Variants in SYT1 observed in about 807,000 individuals in gnomAD.
SYT1 encodes the protein synaptotagmin 1.
SYT1 carries 8 observed loss-of-function variants against 44.8 expected under a neutral mutation model. The ratio of observed to expected loss-of-function variants is 0.18; its 90% CI spans 0.10 to 0.32. SYT1 has a LOEUF of 0.32. Ranked by LOEUF, SYT1 falls within the 10% of genes least tolerant of loss-of-function variation. The pLI is 1.00. For missense variants in SYT1, 286 were observed against 509.3 expected (o/e 0.56, Z 4.22); for synonymous variants, 154 against 188.8 (o/e 0.82, Z 1.51).
At chr12:79,163,194 G>T (rs1289599477) in intron 3 of SYT1, among the ~76,000 whole-genome samples, 2 of 152,030 alleles carry the variant, frequency 1.3e-5, no homozygotes, top group African/African-American at 4.8e-5. Context: ...CATCTATTTG[G>T]CTGCTTCTGC....
intron 4 of SYT1, among the ~76,000 whole-genome samples, chr12:79,270,967 G>C (rs966881312): frequency 1.3e-5 from 2 of 152,200 alleles, no homozygotes; most frequent in African/African-American, 4.8e-5. Context: ...CCTCCCCTTA[G>C]CCATAGGGCA....
At chr12:79,324,527 T>C (rs527974071) in intron 8 of SYT1, among the ~76,000 whole-genome samples, 9 of 152,216 alleles carry the variant, frequency 5.9e-5, no homozygotes, top group Non-Finnish European at 1.3e-4. Context: ...ATTCTTTTTC[T>C]TCTTCCAAAT....
intron 8 of SYT1, among the ~76,000 whole-genome samples, chr12:79,345,552 C>T (rs921204564): frequency 6.6e-6 from 1 of 152,208 alleles, no homozygotes; most frequent in African/African-American, 2.4e-5. Flanking sequence ...AAGATACACT[C>T]TCTTTCACCT....
At chr12:79,371,390 T>A (rs1483386305) in intron 9 of SYT1, among the ~76,000 whole-genome samples, 1 of 152,194 alleles carries the variant, frequency 6.6e-6, no homozygotes, top group African/African-American at 2.4e-5. Context: ...ATCAGTTGAC[T>A]CACAATGAAT....
At chr12:78,989,966 A>G (rs1869908217) in intron 2 of SYT1, among the ~76,000 whole-genome samples, 1 of 152,150 alleles carries the variant, frequency 6.6e-6, no homozygotes, top group Non-Finnish European at 1.5e-5. Flanking sequence ...GAAACAGATT[A>G]TATCAGCCTG....
chr12:79,276,385 A>G (rs1256682219), intron 4 of SYT1, among the ~76,000 whole-genome samples: 1 of 151,862 alleles, frequency 6.6e-6, no homozygotes, highest in Admixed American at 6.6e-5. Context: ...CAAAACAAAA[A>G]AAACAGAATT....
At chr12:79,290,418 C>T (rs1025961823) in intron 5 of SYT1, among the ~76,000 whole-genome samples, 1 of 152,168 alleles carries the variant, frequency 6.6e-6, no homozygotes, top group Non-Finnish European at 1.5e-5. Context: ...GAATCTCCTT[C>T]CTGAGAATGC....
intron 4 of SYT1, among the ~76,000 whole-genome samples, chr12:79,242,432 C>G (rs928108507): frequency 1.3e-5 from 2 of 152,146 alleles, no homozygotes; most frequent in Non-Finnish European, 2.9e-5. Context: ...CAGTGAGAGG[C>G]CCCTCCCCTG....
intron 9 of SYT1, among the ~76,000 whole-genome samples, chr12:79,418,980 A>G (rs910770995): frequency 3.9e-5 from 6 of 152,150 alleles, no homozygotes; most frequent in Admixed American, 3.3e-4. Context: ...AACTCAGGTG[A>G]TTATACTGTG....
At chr12:79,117,284 C>T in intron 3 of SYT1, among the ~76,000 whole-genome samples, 1 of 152,066 alleles carries the variant, frequency 6.6e-6, no homozygotes, top group South Asian at 2.1e-4. Context: ...CAGGTTTTCA[C>T]TTTGCATTTC....
intron 1 of SYT1, chr12:78,868,850 A>G (rs1284878536): frequency 6.6e-6 from 1 of 151,652 alleles, no homozygotes; most frequent in African/African-American, 2.4e-5. Context: ...GGCAGAAATG[A>G]TTTTTATATG....
intron 9 of SYT1, among the ~76,000 whole-genome samples, chr12:79,410,804 G>A (rs1476327732): frequency 6.6e-6 from 1 of 152,138 alleles, no homozygotes; most frequent in East Asian, 1.9e-4. Context: ...TCATGTATTT[G>A]TAGGCTTATT....
intron 2 of SYT1, among the ~76,000 whole-genome samples, chr12:79,029,428 T>G (rs1872713211): frequency 6.6e-6 from 1 of 150,702 alleles, no homozygotes; most frequent in South Asian, 2.1e-4. Flanking sequence ...ATATATTTTT[T>G]CAATGTTTCT....
chr12:78,992,665 A>C (rs1870098670), intron 2 of SYT1, among the ~76,000 whole-genome samples: 1 of 152,146 alleles, frequency 6.6e-6, no homozygotes, highest in South Asian at 2.1e-4. Context: ...AAAACCCCCT[A>C]AAAAATACCA....
At position 79,449,190 on chromosome 12, in the gene SYT1, C is replaced by T; in HGVS notation, c.*66C>T. The T allele has an allele frequency of 6.9e-7, 1 of 1,459,048 alleles. No homozygotes were observed. Among genetic ancestry groups the T allele is most frequent in the Non-Finnish European group, 9.4e-7 (1 of 1,068,502 alleles). The allele number at this position is 1,459,048 out of a possible 1,614,324, so 90.4% of individuals were successfully genotyped here. A position where few individuals can be genotyped will look rare whatever the true frequency, so the allele number is the denominator to read the frequency against. ...CTTTAGCCAGTATCTGTAAATACCT[C>T]AGTAATATGGGTCCTTTCATTTTTC... On this transcript the variant is annotated 3_prime_UTR_variant, in exon 11 of 11. Coordinates refer to ENST00000261205, the MANE Select transcript of SYT1 (RefSeq NM_005639.3).
intron 3 of SYT1, among the ~76,000 whole-genome samples, chr12:79,163,553 G>C (rs1404307659): frequency 6.6e-6 from 1 of 152,086 alleles, no homozygotes; most frequent in Non-Finnish European, 1.5e-5. Flanking sequence ...AAGGAACTAA[G>C]ATGTAAAGAA....
chr12:79,115,303 A>G (rs748602680), intron 3 of SYT1, among the ~76,000 whole-genome samples: 2 of 152,286 alleles, frequency 1.3e-5, no homozygotes, highest in Non-Finnish European at 2.9e-5. Context: ...TTCAACAATT[A>G]TTCTTGTTAG....
intron 5 of SYT1, among the ~76,000 whole-genome samples, chr12:79,287,656 A>G (rs1446017807): frequency 1.3e-5 from 2 of 152,286 alleles, no homozygotes; most frequent in Middle Eastern, 3.4e-3. Context: ...TTAAGTGATA[A>G]CGATAGCATT....
chr12:79,406,746 T>C (rs1885256943), intron 9 of SYT1, among the ~76,000 whole-genome samples: 1 of 152,134 alleles, frequency 6.6e-6, no homozygotes, highest in African/African-American at 2.4e-5. Context: ...TTAAATTCTC[T>C]GTATTTTTCA....
Sources: allele counts gnomAD v4.1 joint callset (sites outside exome capture counted in the v4.1 genomes callset), GRCh38; gene constraint gnomAD v4.1.1; transcripts MANE v1.5; gene names NCBI Gene and HGNC (gene_info 2026-07-23, HGNC 2026-07-21).